The following TFB2M variants were observed in gnomAD, a reference collection of about 807,000 sequenced individuals.
The protein encoded by TFB2M is dimethyladenosine transferase 2, mitochondrial.
TFB2M carries 44 observed loss-of-function variants against 41.3 expected under a neutral mutation model. The ratio of observed to expected loss-of-function variants is 1.07; its 90% CI spans 0.84 to 1.37. The LOEUF is 1.37. Among genes scored for constraint, TFB2M ranks in the 40% most tolerant of loss-of-function variants. The pLI is 0.00. For missense variants in TFB2M, 496 were observed against 490.2 expected (o/e 1.01, Z -0.11); for synonymous variants, 188 against 176.8 (o/e 1.06, Z -0.50).
rs536212586 is a variant in TFB2M at position 246,554,825 on chromosome 1, CA to C, written c.705+1747del. Among the ~76,000 whole-genome samples, 65 of 152,070 alleles carry C rather than the reference CA, an allele frequency of 4.3e-4. 2 individuals carry two copies. In the East Asian group the frequency reaches 0.012, roughly 29 times the overall value. On this transcript the variant is annotated intron_variant, in intron 4 of 7. Coordinates refer to ENST00000366514, the MANE Select transcript of TFB2M (RefSeq NM_022366.3). ...CCAGCTACGTATGATACCAAAGGCA[CA>C]GGCAACAAAAGAGAAAAAAAGACAA...
At chr1:246,549,939 A>G (rs1659126068) in intron 5 of TFB2M, among the ~76,000 whole-genome samples, 1 of 152,168 alleles carries the variant, frequency 6.6e-6, no homozygotes, top group South Asian at 2.1e-4. Context: ...CTCATCAAGC[A>G]CAGTGGAGGA....
At chr1:246,549,172 AGAGT>A (rs947297721) in intron 5 of TFB2M, among the ~76,000 whole-genome samples, 3 of 152,042 alleles carry the variant, frequency 2.0e-5, no homozygotes, top group African/African-American at 7.2e-5. Context: ...CCTGGGAAAC[AGAGT>A]GAGACCCTAT....
intron 5 of TFB2M, 137 bp from the exon 6 acceptor site, chr1:246,548,744 T>G: frequency 1.5e-6 from 1 of 673,192 alleles, no homozygotes; most frequent in Non-Finnish European, 2.4e-6. Context: ...AAACATGTTA[T>G]AGCTAAATAA....
intron 6 of TFB2M, among the ~76,000 whole-genome samples, chr1:246,545,998 T>C (rs1558509157): frequency 6.6e-6 from 1 of 151,956 alleles, no homozygotes; most frequent in Non-Finnish European, 1.5e-5. Flanking sequence ...CAGTAACATT[T>C]ATTAACATGT....
intron 4 of TFB2M, among the ~76,000 whole-genome samples, chr1:246,553,426 T>C (rs568763188): frequency 6.6e-6 from 1 of 152,256 alleles, no homozygotes; most frequent in Non-Finnish European, 1.5e-5. Flanking sequence ...TCCCAGCACC[T>C]CAGGAGACTG....
At chr1:246,541,919 T>G (rs534273482) in intron 7 of TFB2M, among the ~76,000 whole-genome samples, 125 of 152,352 alleles carry the variant, frequency 8.2e-4, no homozygotes, top group African/African-American at 2.7e-3. Flanking sequence ...CATTGCTTAA[T>G]GATGGAGGTA....
At chr1:246,554,089 A>G (rs55741541) in intron 4 of TFB2M, among the ~76,000 whole-genome samples, 56,637 of 152,038 alleles carry the variant, frequency 0.37, 11,349 homozygotes, top group Non-Finnish European at 0.45. Flanking sequence ...ATTTAATGGC[A>G]GTAAAGAACA....
chr1:246,549,196 A>C lies in TFB2M; in HGVS notation c.796-589T>G, dbSNP rs141725365. On this transcript the variant is annotated intron_variant, in intron 5 of 7. Transcript: ENST00000366514. ...CAGAGTGAGACCCTATCCAAAAACA[A>C]CAATAACAAAAACCTAGTGTCAATT... Among the ~76,000 whole-genome samples, 365 of 152,216 alleles carry C rather than the reference A, an allele frequency of 2.4e-3. 1 individual carries two copies. The highest frequency in any genetic ancestry group is 8.3e-3 in the African/African-American group (345 of 41,530).
intron 1 of TFB2M, among the ~76,000 whole-genome samples, chr1:246,565,326 C>T (rs1489494933): frequency 6.6e-6 from 1 of 152,188 alleles, no homozygotes; most frequent in East Asian, 1.9e-4. Flanking sequence ...GTGTAAAGTG[C>T]AAGCTGCTAC....
Position 246,541,035 on chromosome 1 carries a change from C to T in TFB2M, c.1187G>A (p.Arg396Lys). The change falls in exon 8 of 8, where the codon AGG (arginine) becomes AAG (lysine). Residue 396 changes from arginine (R) to lysine (K), a missense_variant. Physicochemically the swap from Arg to Lys is conservative, Grantham distance 26. Coordinates refer to ENST00000366514, the MANE Select transcript of TFB2M (RefSeq NM_022366.3). ...KWLYDETLED[R>K] is the part of the protein sequence containing the mutation. ...CCAAAAACGACAGTCTAGTTGCTAC[C>T]TATCTTCCAGGGTTTCATCATACAG... is the stretch of plus-strand genomic sequence containing the variant. 1 of 1,607,670 alleles carries T rather than the reference C, an allele frequency of 6.2e-7. No individual in the cohort carries two copies. The highest frequency in any genetic ancestry group is 8.5e-7 in the Non-Finnish European group (1 of 1,176,866).
chr1:246,560,456 G>A (rs1289967669), intron 2 of TFB2M, among the ~76,000 whole-genome samples: 3 of 152,160 alleles, frequency 2.0e-5, no homozygotes, highest in African/African-American at 7.2e-5. Flanking sequence ...CTGGGAAGTT[G>A]AGACTGTAGT....
intron 3 of TFB2M, among the ~76,000 whole-genome samples, 177 bp from the exon 4 acceptor site, chr1:246,556,898 G>A (rs1326636497): frequency 6.6e-6 from 1 of 152,144 alleles, no homozygotes; most frequent in Non-Finnish European, 1.5e-5. Flanking sequence ...GAAATAAACT[G>A]GGTACCTGTG....
rs781593280 is a variant in TFB2M at position 246,544,516 on chromosome 1, C to T, written c.1019+5G>A. The T allele has an allele frequency of 1.3e-6, 2 of 1,582,418 alleles. No individual in the cohort carries two copies. The highest frequency in any genetic ancestry group is 1.7e-6 in the Non-Finnish European group (2 of 1,171,740). On this transcript the variant is annotated splice_donor_5th_base_variant and intron_variant, in intron 7 of 7. Coordinates refer to ENST00000366514, the MANE Select transcript of TFB2M (RefSeq NM_022366.3). The stretch of plus-strand genomic sequence containing the variant: ...TTTATACTTGCTTTTATTCTTTTTA[C>T]TCACCGTAAGTGGTCTATTACAGTG...
rs757072250 is a variant in TFB2M, at chr1:246,547,665, G to A, written c.858+880C>T. The stretch of plus-strand genomic sequence containing the variant: ...TTAGGCCATTGTTAGCATTTAATTC[G>A]TTTTTTTTTTTTTTAAGCCCCAAAC... On this transcript the variant is annotated intron_variant, in intron 6 of 7. Transcript: ENST00000366514. Among the ~76,000 whole-genome samples, 22 of 144,646 alleles carry A rather than the reference G, an allele frequency of 1.5e-4. 1 individual carries two copies. Among genetic ancestry groups the A allele is most frequent in the African/African-American group, 4.5e-4 (18 of 40,248 alleles). The allele number at this position is 144,646 out of a possible 152,430, so 94.9% of individuals were successfully genotyped here.
chr1:246,562,200 T>G (rs973873118), intron 2 of TFB2M, among the ~76,000 whole-genome samples: 11 of 152,162 alleles, frequency 7.2e-5, no homozygotes, highest in African/African-American at 2.7e-4. Flanking sequence ...TCATGCAATT[T>G]TGGATACAGC....
chr1:246,558,494 C>G (rs899460755), intron 2 of TFB2M, among the ~76,000 whole-genome samples: 13 of 152,150 alleles, frequency 8.5e-5, no homozygotes, highest in African/African-American at 3.1e-4. Flanking sequence ...AAAAGCTTTT[C>G]ACACCACTCC....
At chr1:246,562,349 C>T (rs150392565) in intron 2 of TFB2M, among the ~76,000 whole-genome samples, 78 of 152,316 alleles carry the variant, frequency 5.1e-4, no homozygotes, top group African/African-American at 1.8e-3. Flanking sequence ...TTCATTGTTA[C>T]GTAAATGTGT....
chr1:246,551,749 G>A (rs1053565229), intron 4 of TFB2M, among the ~76,000 whole-genome samples: 3 of 152,218 alleles, frequency 2.0e-5, no homozygotes, highest in Non-Finnish European at 4.4e-5. Context: ...TTACCTCAAC[G>A]AATGGGAAGG....
chr1:246,548,679 C>T (rs1384853208), intron 5 of TFB2M, 72 bp from the exon 6 acceptor site: 1 of 1,388,424 alleles, frequency 7.2e-7, no homozygotes, highest in Admixed American at 1.8e-5. Flanking sequence ...TTATTACTTC[C>T]TTAAAAAACA....
Sources: gnomAD v4.1 joint callset for allele counts (sites outside exome capture counted in the v4.1 genomes callset) on GRCh38, gnomAD v4.1.1 for gene constraint, MANE v1.5 for transcripts, NCBI Gene and HGNC (gene_info 2026-07-23, HGNC 2026-07-21) for gene names.